MACROD2: variants seen among roughly 807,000 people sequenced by gnomAD.
MACROD2 encodes ADP-ribose glycohydrolase MACROD2.
Under a neutral mutation model 70.4 loss-of-function variants are expected in MACROD2, and 36 were observed. The ratio of observed to expected loss-of-function variants is 0.51; its 90% CI spans 0.39 to 0.68. The LOEUF is 0.68. MACROD2 is among the 30% of genes least tolerant of loss of function. The probability of loss-of-function intolerance (pLI) is 0.00; values close to 1 mark genes in which losing one functional copy is unlikely to be tolerated. For synonymous variants in MACROD2, 172 were observed against 178.8 expected (o/e 0.96, Z 0.30); for missense variants, 496 against 538.4 (o/e 0.92, Z 0.78).
At chr20:14,985,411 A>G (rs558789995) in intron 5 of MACROD2, among the ~76,000 whole-genome samples, 23 of 152,266 alleles carry the variant, frequency 1.5e-4, no homozygotes, top group African/African-American at 5.3e-4. Flanking sequence ...TGTTATTTCT[A>G]GTGGAGTGAT....
intron 3 of MACROD2, among the ~76,000 whole-genome samples, chr20:14,106,466 G>A (rs2054370034): frequency 6.6e-6 from 1 of 152,102 alleles, no homozygotes; most frequent in South Asian, 2.1e-4. Flanking sequence ...GGATCTCAGA[G>A]AGCATTCCTG....
chr20:14,455,278 A>G (rs2076405953), intron 3 of MACROD2, among the ~76,000 whole-genome samples: 4 of 151,818 alleles, frequency 2.6e-5, no homozygotes, highest in African/African-American at 9.7e-5. Context: ...ATTTTTGCAG[A>G]TGTGACAGAA....
At chr20:14,581,269 G>C (rs1030596344) in intron 4 of MACROD2, among the ~76,000 whole-genome samples, 1 of 152,144 alleles carries the variant, frequency 6.6e-6, no homozygotes, top group Non-Finnish European at 1.5e-5. Context: ...ATTACCTGGA[G>C]AACTCTAAAA....
At chr20:14,844,301 G>A (rs2073116745) in intron 5 of MACROD2, among the ~76,000 whole-genome samples, 2 of 151,874 alleles carry the variant, frequency 1.3e-5, no homozygotes, top group Non-Finnish European at 2.9e-5. Context: ...ATCACTTGAG[G>A]TTAGGAGTTC....
intron 5 of MACROD2, among the ~76,000 whole-genome samples, chr20:15,009,591 A>G (rs1236249705): frequency 2.6e-5 from 4 of 152,280 alleles, no homozygotes; most frequent in Non-Finnish European, 5.9e-5. Flanking sequence ...GAGCAAAACT[A>G]TATCATGAGA....
chr20:15,792,324 A>T (rs2063631676), intron 8 of MACROD2, among the ~76,000 whole-genome samples: 1 of 152,158 alleles, frequency 6.6e-6, no homozygotes, highest in African/African-American at 2.4e-5. Flanking sequence ...TCTTTCCATG[A>T]AGGACACAAG....
intron 6 of MACROD2, among the ~76,000 whole-genome samples, chr20:15,426,583 T>C (rs2046301176): frequency 6.6e-6 from 1 of 152,112 alleles, no homozygotes; most frequent in Non-Finnish European, 1.5e-5. Flanking sequence ...TGCTCTAAAG[T>C]GATTTGTCTG....
At chr20:15,241,717 T>A (rs2077061128) in intron 6 of MACROD2, among the ~76,000 whole-genome samples, 1 of 150,722 alleles carries the variant, frequency 6.6e-6, no homozygotes, top group Non-Finnish European at 1.5e-5. Context: ...CTCAAGCATT[T>A]GATGTTTTTC....
intron 3 of MACROD2, among the ~76,000 whole-genome samples, chr20:14,317,685 T>C (rs2082625419): frequency 6.6e-6 from 1 of 151,940 alleles, no homozygotes; most frequent in Non-Finnish European, 1.5e-5. Context: ...CTTTTTGGTC[T>C]ACTGCTGTAC....
At chr20:15,800,407 TTA>T (rs1481153417) in intron 8 of MACROD2, among the ~76,000 whole-genome samples, 1 of 152,220 alleles carries the variant, frequency 6.6e-6, no homozygotes, top group Non-Finnish European at 1.5e-5. Flanking sequence ...CTAGTAGTTT[TTA>T]TAGTTTCAGG....
At chr20:15,325,785 A>T (rs1459118917) in intron 6 of MACROD2, among the ~76,000 whole-genome samples, 1 of 152,136 alleles carries the variant, frequency 6.6e-6, no homozygotes, top group Non-Finnish European at 1.5e-5. Flanking sequence ...GCCTTCCCAA[A>T]GTTTTGGATG....
At chr20:15,511,151 T>C (rs543787530) in intron 8 of MACROD2, among the ~76,000 whole-genome samples, 5 of 152,148 alleles carry the variant, frequency 3.3e-5, no homozygotes, top group Non-Finnish European at 5.9e-5. Flanking sequence ...CCAGGGCAAG[T>C]GATGGCCAGT....
intron 5 of MACROD2, chr20:14,893,062 A>T (rs2073782553): frequency 6.6e-6 from 1 of 152,218 alleles, no homozygotes; most frequent in African/African-American, 2.4e-5. Context: ...ACCTTTTGTG[A>T]CTGGCTTATT....
chr20:15,245,318 G>A (rs1272158782), intron 6 of MACROD2, among the ~76,000 whole-genome samples: 1 of 152,108 alleles, frequency 6.6e-6, no homozygotes, highest in Non-Finnish European at 1.5e-5. Context: ...CTTGAAATGA[G>A]AAAATGTATT....
rs2083626967 is a variant in MACROD2 at position 14,400,543 on chromosome 20, C to T, written c.272-92936C>T. On this transcript the variant is annotated intron_variant, in intron 3 of 17. Transcript: ENST00000684519. ...CTTTCAATATTCTGCCAGTGAACTA[C>T]AGCTGTCATGGCATTTCTGGGTGCC... Among the ~76,000 whole-genome samples the T allele has an allele frequency of 2.0e-5, 3 of 152,194 alleles. 1 individual carries two copies. In the South Asian group the frequency reaches 6.2e-4, roughly 32 times the overall value.
At chr20:14,759,714 G>A (rs977136322) in intron 5 of MACROD2, among the ~76,000 whole-genome samples, 1 of 152,056 alleles carries the variant, frequency 6.6e-6, no homozygotes, top group Non-Finnish European at 1.5e-5. Context: ...GACAAAAATG[G>A]TATAATTAGG....
chr20:15,639,597 T>G (rs1387574145), intron 8 of MACROD2, among the ~76,000 whole-genome samples: 1 of 152,106 alleles, frequency 6.6e-6, no homozygotes, highest in Non-Finnish European at 1.5e-5. Flanking sequence ...ATAGTTCCTG[T>G]TCATAGTAGA....
intron 3 of MACROD2, among the ~76,000 whole-genome samples, chr20:14,351,507 T>A (rs2083122994): frequency 6.6e-6 from 1 of 152,220 alleles, no homozygotes. Flanking sequence ...GTGGCTATTG[T>A]AAATGGGATT....
At chr20:15,457,703 T>C (rs1249116874) in intron 7 of MACROD2, among the ~76,000 whole-genome samples, 1 of 152,152 alleles carries the variant, frequency 6.6e-6, no homozygotes, top group African/African-American at 2.4e-5. Context: ...GTTTTATGGC[T>C]AATGCTCTGA....
Sources: gnomAD v4.1 joint callset for allele counts (sites outside exome capture counted in the v4.1 genomes callset) on GRCh38, gnomAD v4.1.1 for gene constraint, MANE v1.5 for transcripts, NCBI Gene and HGNC (gene_info 2026-07-23, HGNC 2026-07-21) for gene names.